Variants in USP15 observed in about 807,000 individuals in gnomAD.
The protein encoded by USP15 is ubiquitin carboxyl-terminal hydrolase 15.
A neutral mutation model predicts 127.1 loss-of-function variants in USP15; 18 were observed. The observed-to-expected ratio is 0.14, with a 90% CI of 0.10 to 0.21. The LOEUF (loss-of-function observed/expected upper bound fraction) is 0.21, where lower values mean the gene tolerates loss of function less well. USP15 is among the 10% of genes least tolerant of loss of function. USP15 has a pLI of 1.00. For synonymous variants in USP15, 364 were observed against 393.7 expected (o/e 0.92, Z 0.89); for missense variants, 805 against 1,159.9 (o/e 0.69, Z 4.44).
At chr12:62,260,654 T>G in intron 1 of USP15, 151 bp downstream of exon 1, 1 of 712,246 alleles carries the variant, frequency 1.4e-6, no homozygotes, top group Non-Finnish European at 2.4e-6. Context: ...TCTGAAATGT[T>G]GGGGCAAAGG....
At chr12:62,395,477 A>G (rs1412943411) in intron 19 of USP15, among the ~76,000 whole-genome samples, 1 of 152,084 alleles carries the variant, frequency 6.6e-6, no homozygotes, top group South Asian at 2.1e-4. Flanking sequence ...CCATCCTCTC[A>G]AGCGTTTATC....
At chr12:62,360,194 T>C (rs914165008) in intron 8 of USP15, among the ~76,000 whole-genome samples, 2 of 152,092 alleles carry the variant, frequency 1.3e-5, no homozygotes, top group East Asian at 3.8e-4. Flanking sequence ...TTCAAAATAT[T>C]TACTTGGACA....
chr12:62,389,530 G>A lies in USP15; in HGVS notation c.1557+16G>A, dbSNP rs373010350. On this transcript the variant is annotated intron_variant, in intron 12 of 21. Coordinates refer to ENST00000280377, the MANE Select transcript of USP15 (RefSeq NM_001252078.2). ...TGCAGATAAGGTAAGATGTTTCTGG[G>A]GTTGAAGTATATAAGTTGGTATTTA... The A allele has an allele frequency of 6.2e-7, 1 of 1,612,966 alleles. No homozygotes were observed. Among genetic ancestry groups the A allele is most frequent in the Non-Finnish European group, 8.5e-7 (1 of 1,179,622 alleles).
chr12:62,360,422 A>C (rs906640340), intron 8 of USP15, among the ~76,000 whole-genome samples: 2 of 152,072 alleles, frequency 1.3e-5, no homozygotes, highest in African/African-American at 4.8e-5. Flanking sequence ...TTAAAGATTT[A>C]ATTTAAGAGA....
At chr12:62,373,657 AT>A (rs763208665) in intron 8 of USP15, among the ~76,000 whole-genome samples, 5 of 152,118 alleles carry the variant, frequency 3.3e-5, no homozygotes, top group South Asian at 2.1e-4. Flanking sequence ...AGTCTTAAAA[AT>A]ATAAGAGGAA....
intron 1 of USP15, among the ~76,000 whole-genome samples, chr12:62,266,823 C>T (rs1278574336): frequency 3.9e-5 from 6 of 152,082 alleles, no homozygotes; most frequent in Non-Finnish European, 7.4e-5. Context: ...TTATTAAATG[C>T]TTAGTCTGTC....
Position 62,414,809 on chromosome 12 carries a change from T to C in USP15, c.*10434T>C, listed in dbSNP as rs972186461. Reference sequence around the variant, plus strand: ...TATCCTGCTACCAGAATGATCTTCATGGTTTCATTTAAAAAAAAAAAAAAT... The same window carrying C: ...TATCCTGCTACCAGAATGATCTTCACGGTTTCATTTAAAAAAAAAAAAAAT... On this transcript the variant is annotated 3_prime_UTR_variant, in exon 22 of 22. Transcript: ENST00000280377. 4 of 150,906 alleles carry C rather than the reference T, an allele frequency of 2.7e-5. No individual in the cohort carries two copies. The highest frequency in any genetic ancestry group is 4.4e-5 in the Non-Finnish European group (3 of 67,920). The allele number at this position is 150,906 out of a possible 1,614,324, so 9.3% of individuals were successfully genotyped here. A position where few individuals can be genotyped will look rare whatever the true frequency, so the allele number is the denominator to read the frequency against.
In USP15 at chr12:62,372,447, A is replaced by G. The variant is rs145190149; in HGVS notation, c.916-9043A>G. Among the ~76,000 whole-genome samples, 182 of 152,260 alleles carry G rather than the reference A, an allele frequency of 1.2e-3. 1 individual carries two copies. Among genetic ancestry groups the G allele is most frequent in the African/African-American group, 4.3e-3 (177 of 41,572 alleles). On this transcript the variant is annotated intron_variant, in intron 8 of 21. Transcript: ENST00000280377. The stretch of plus-strand genomic sequence containing the variant: ...TTTGTATACTTACAGAGACTCTTGA[A>G]GTAATGATCTCTTAATATTTGTTGA...
chr12:62,329,647 A>G (rs912569190), intron 6 of USP15, among the ~76,000 whole-genome samples: 1 of 152,226 alleles, frequency 6.6e-6, no homozygotes, highest in African/African-American at 2.4e-5. Flanking sequence ...ATACTAACAG[A>G]CAATTTAAAT....
At chr12:62,281,619 G>A (rs1026650541) in intron 1 of USP15, among the ~76,000 whole-genome samples, 2 of 152,242 alleles carry the variant, frequency 1.3e-5, no homozygotes, top group African/African-American at 4.8e-5. Flanking sequence ...GATTACAGGC[G>A]TGAGCCACAG....
chr12:62,282,135 C>G (rs1268340095), intron 1 of USP15, among the ~76,000 whole-genome samples: 1 of 152,064 alleles, frequency 6.6e-6, no homozygotes, highest in East Asian at 1.9e-4. Context: ...TGAAACCATC[C>G]TGGGCAACGT....
At chr12:62,396,531 T>C in intron 20 of USP15, 133 bp downstream of exon 20, 1 of 755,918 alleles carries the variant, frequency 1.3e-6, no homozygotes. Flanking sequence ...CAGTATTGAT[T>C]AATGAATGAG....
In USP15 at chr12:62,314,770, G is replaced by A. The variant is rs747089034; in HGVS notation, c.349-20G>A. 1.4e-5 allele frequency: 21 copies of A among 1,530,966 alleles called. No homozygotes were observed. The Admixed American group carries it at 4.0e-4, about 29-fold the overall frequency. The allele number at this position is 1,530,966 out of a possible 1,614,324, so 94.8% of individuals were successfully genotyped here. ...ATATTGATATAGGTGACACTGATTT[G>A]TTTTGTTTCATTATTTTAGGTGGTT... On this transcript the variant is annotated intron_variant, in intron 3 of 21. Coordinates refer to ENST00000280377, the MANE Select transcript of USP15 (RefSeq NM_001252078.2).
chr12:62,286,534 T>G (rs1008555757), intron 1 of USP15, among the ~76,000 whole-genome samples: 2 of 152,064 alleles, frequency 1.3e-5, no homozygotes, highest in African/African-American at 4.8e-5. Context: ...AGAAAATAAA[T>G]CATTCTACCA....
chr12:62,384,289 C>T lies in USP15; in HGVS notation c.1460C>T (p.Thr487Ile). Residue 487 changes from threonine to isoleucine, a missense_variant, in exon 11 of 22, where the codon ACC becomes ATC. Physicochemically the swap from Thr to Ile is moderately conservative, Grantham distance 89. Around this residue, in one of 11 missense-constraint regions of USP15, gnomAD observed 82 missense variants for 104.4 expected, o/e 0.79. Coordinates refer to ENST00000280377, the MANE Select transcript of USP15 (RefSeq NM_001252078.2). The stretch of plus-strand genomic sequence containing the variant: ...TACTTAGTTAGAATGGATCCACTTA[C>T]CAAACCTATGCAGGTAAATCATGGG... ...EVYLVRMDPL[T>I]KPMQYKVVVP... The T allele has an allele frequency of 1.2e-6, 2 of 1,604,976 alleles. No homozygotes were observed. Among genetic ancestry groups the T allele is most frequent in the Non-Finnish European group, 1.7e-6 (2 of 1,176,298 alleles).
intron 21 of USP15, among the ~76,000 whole-genome samples, 172 bp from the exon 22 acceptor site, chr12:62,404,021 A>G (rs2067783413): frequency 6.6e-6 from 1 of 151,852 alleles, no homozygotes; most frequent in South Asian, 2.1e-4. Context: ...ACGATTCTTT[A>G]TTAGAAATCA....
intron 8 of USP15, among the ~76,000 whole-genome samples, 166 bp from the exon 9 acceptor site, chr12:62,381,324 G>A (rs972269715): frequency 6.6e-6 from 1 of 151,982 alleles, no homozygotes; most frequent in Non-Finnish European, 1.5e-5. Flanking sequence ...GAATAGTTGA[G>A]TACATCATTT....
rs150587264 is a variant in USP15 at position 62,284,919 on chromosome 12, T to G, written c.90-9260T>G. Reference sequence around the variant, plus strand: ...AAGCTAGTTTCTAGGCAGCTGAAAATAAGATGGATATAGTTTCAGTAATGT... The same window carrying G: ...AAGCTAGTTTCTAGGCAGCTGAAAAGAAGATGGATATAGTTTCAGTAATGT... On this transcript the variant is annotated intron_variant, in intron 1 of 21. Transcript: ENST00000280377. Among the ~76,000 whole-genome samples, 334 of 152,250 alleles carry G rather than the reference T, an allele frequency of 2.2e-3. 2 individuals are homozygous for G. Among genetic ancestry groups the G allele is most frequent in the African/African-American group, 7.7e-3 (321 of 41,544 alleles).
At chr12:62,382,775 C>T (rs535001595) in intron 9 of USP15, among the ~76,000 whole-genome samples, 1 of 151,874 alleles carries the variant, frequency 6.6e-6, no homozygotes, top group South Asian at 2.1e-4. Flanking sequence ...CCTCCTTTTG[C>T]GCATAGAAAC....
Sources: allele counts gnomAD v4.1 joint callset (sites outside exome capture counted in the v4.1 genomes callset), GRCh38; gene constraint gnomAD v4.1.1; regional missense constraint gnomAD v4.1.1; transcripts MANE v1.5; gene names NCBI Gene and HGNC (gene_info 2026-07-23, HGNC 2026-07-21).